Variants in GALNT18 observed in about 807,000 individuals in gnomAD.
GALNT18 encodes the protein polypeptide N-acetylgalactosaminyltransferase 18.
A neutral mutation model predicts 69.5 loss-of-function variants in GALNT18; 44 were observed. The ratio of observed to expected loss-of-function variants is 0.63; its 90% CI spans 0.50 to 0.81. The LOEUF (loss-of-function observed/expected upper bound fraction) is 0.81. GALNT18 is among the 40% of genes least tolerant of loss of function. GALNT18 has a pLI of 0.00. For synonymous variants in GALNT18, 364 were observed against 318.2 expected (o/e 1.14, Z -1.53); for missense variants, 715 against 810.0 (o/e 0.88, Z 1.42).
intron 1 of GALNT18, among the ~76,000 whole-genome samples, chr11:11,597,241 C>T (rs1859521842): frequency 6.6e-6 from 1 of 152,112 alleles, no homozygotes; most frequent in Non-Finnish European, 1.5e-5. Context: ...GAGATATGGT[C>T]TGAGGTTTTC....
rs901606737 is a variant in GALNT18, at chr11:11,290,117, C to G, written c.1677+2912G>C. On this transcript the variant is annotated intron_variant, in intron 10 of 10. Coordinates refer to ENST00000227756, the MANE Select transcript of GALNT18 (RefSeq NM_198516.3). ...CAGTAATCTGAAGCAGTACTCTTGT[C>G]GATTGAGGACTCCTGGTGATGCCTG... Among the ~76,000 whole-genome samples the G allele has an allele frequency of 2.6e-5, 4 of 152,096 alleles. No individual in the cohort carries two copies. In the South Asian group the frequency reaches 8.3e-4, roughly 32 times the overall value.
In GALNT18 at chr11:11,543,279, G is replaced by A. The variant is rs1286715401; in HGVS notation, c.235+78080C>T. Among the ~76,000 whole-genome samples, 1 of 152,164 alleles carries A rather than the reference G, an allele frequency of 6.6e-6. No homozygotes were observed. Among genetic ancestry groups the A allele is most frequent in the Non-Finnish European group, 1.5e-5 (1 of 68,026 alleles). On this transcript the variant is annotated intron_variant, in intron 1 of 10. Transcript: ENST00000227756. This position sits in a 1 kb window ranked among gnomAD's most constrained non-coding sequence, Gnocchi z 5.1. ...GATCATTGCAAGTTGTTGCATCCTT[G>A]AGAGTAAGTAGAATTTGTGGCCTAG...
intron 10 of GALNT18, among the ~76,000 whole-genome samples, chr11:11,274,845 A>T (rs1002241286): frequency 1.3e-5 from 2 of 152,140 alleles, no homozygotes; most frequent in Non-Finnish European, 2.9e-5. Flanking sequence ...TTTGCTGAGG[A>T]TGATGGTTTC....
intron 1 of GALNT18, among the ~76,000 whole-genome samples, chr11:11,593,514 C>A (rs1859412726): frequency 2.0e-5 from 3 of 152,336 alleles, no homozygotes; most frequent in African/African-American, 2.4e-5. Flanking sequence ...GCGTGAGGAA[C>A]TTTGTTCCTT....
At chr11:11,376,944 G>A (rs1589951428) in intron 5 of GALNT18, among the ~76,000 whole-genome samples, 1 of 152,126 alleles carries the variant, frequency 6.6e-6, no homozygotes, top group Non-Finnish European at 1.5e-5. Context: ...AGTGGTTGGC[G>A]CCCAGCAGAC....
At chr11:11,272,828 TGA>T (rs1388486898) in intron 10 of GALNT18, among the ~76,000 whole-genome samples, 6 of 152,104 alleles carry the variant, frequency 3.9e-5, no homozygotes, top group South Asian at 2.1e-4. Flanking sequence ...GGAAGTGCAC[TGA>T]GAGAGGGAGA....
At chr11:11,293,286 A>G (rs886452088) in intron 9 of GALNT18, 93 bp from the exon 10 acceptor site, 2 of 1,091,076 alleles carry the variant, frequency 1.8e-6, no homozygotes, top group Non-Finnish European at 2.4e-6. Context: ...GCTGGCAGAG[A>G]GGCCACAGTT....
chr11:11,479,226 C>G (rs1322961807), intron 1 of GALNT18, among the ~76,000 whole-genome samples: 1 of 147,712 alleles, frequency 6.8e-6, no homozygotes, highest in African/African-American at 2.7e-5. Context: ...ACCGATTCAA[C>G]TAGGAAAAAT....
chr11:11,474,876 A>G (rs1013497614), intron 1 of GALNT18, among the ~76,000 whole-genome samples: 1 of 152,212 alleles, frequency 6.6e-6, no homozygotes, highest in Non-Finnish European at 1.5e-5. Context: ...ATACTAGAGG[A>G]CATGAGAGAC....
intron 3 of GALNT18, among the ~76,000 whole-genome samples, chr11:11,392,437 C>A (rs550655213): frequency 1.3e-5 from 2 of 152,112 alleles, no homozygotes; most frequent in African/African-American, 4.8e-5. Flanking sequence ...CTAACCAACA[C>A]GGAGAAACCC....
intron 1 of GALNT18, among the ~76,000 whole-genome samples, chr11:11,472,643 T>A (rs1856298539): frequency 1.3e-5 from 2 of 152,214 alleles, no homozygotes; most frequent in African/African-American, 4.8e-5. Context: ...ATAAAACTAA[T>A]GATTACAATG....
At position 11,404,707 on chromosome 11, in the gene GALNT18, T is replaced by A. The variant is rs1854548598; in HGVS notation, c.596-25443A>T. On this transcript the variant is annotated intron_variant, in intron 3 of 10. Transcript: ENST00000227756. The surrounding 1 kb of genome is among the most constrained non-coding windows in gnomAD (Gnocchi z 4.5). The stretch of plus-strand genomic sequence containing the variant: ...GTCTCAACTCTCATTTCAACCTAAC[T>A]CTGACTTCATCTCAACCTTAACATC... 6.6e-6 allele frequency among the ~76,000 whole-genome samples: 1 copy of A among 152,156 alleles called. No individual in the cohort carries two copies. The highest frequency in any genetic ancestry group is 6.5e-5 in the Admixed American group (1 of 15,276).
intron 6 of GALNT18, among the ~76,000 whole-genome samples, chr11:11,365,233 G>A (rs758978085): frequency 4.6e-5 from 7 of 152,094 alleles, no homozygotes; most frequent in Non-Finnish European, 1.0e-4. Context: ...ACTTATGGGT[G>A]AGAACATGTG....
Position 11,353,808 on chromosome 11 carries a change from A to G in GALNT18, c.1093-12804T>C, listed in dbSNP as rs1006524258. Among the ~76,000 whole-genome samples, 5 of 152,062 alleles carry G rather than the reference A, an allele frequency of 3.3e-5. No homozygotes were observed. The East Asian group carries it at 9.7e-4, about 29-fold the overall frequency. On this transcript the variant is annotated intron_variant, in intron 6 of 10. Transcript: ENST00000227756. ...TCTTTCTGAAATCCAGGGTAGATAC[A>G]CTCTGTCATTCCCAGCACCATAGAG... is the stretch of plus-strand genomic sequence containing the variant.
Position 11,318,198 on chromosome 11 carries a change from C to T in GALNT18, c.1512+8888G>A, listed in dbSNP as rs1346288899. On this transcript the variant is annotated intron_variant, in intron 9 of 10. Coordinates refer to ENST00000227756, the MANE Select transcript of GALNT18 (RefSeq NM_198516.3). This position sits in a 1 kb window ranked among gnomAD's most constrained non-coding sequence, Gnocchi z 5.1. ...GTCAGGTTTCCATTTCCACTCTTCCCATTTGGAGGTGAACTGGGTTGGATT... is the reference window on the plus strand; with the variant it reads ...GTCAGGTTTCCATTTCCACTCTTCCTATTTGGAGGTGAACTGGGTTGGATT... 6.6e-6 allele frequency among the ~76,000 whole-genome samples: 1 copy of T among 152,176 alleles called. No homozygotes were observed. The highest frequency in any genetic ancestry group is 2.4e-5 in the African/African-American group (1 of 41,442).
intron 1 of GALNT18, among the ~76,000 whole-genome samples, chr11:11,557,986 G>A (rs1023955414): frequency 5.3e-5 from 8 of 152,296 alleles, no homozygotes; most frequent in Middle Eastern, 3.4e-3. Flanking sequence ...CCCCAAAGTG[G>A]AACTGTATGA....
chr11:11,370,511 T>C (rs540743481), intron 6 of GALNT18, among the ~76,000 whole-genome samples: 1 of 152,206 alleles, frequency 6.6e-6, no homozygotes, highest in Admixed American at 6.5e-5. Flanking sequence ...AGCTTGTTGG[T>C]TCTCTGTTTT....
In GALNT18 at chr11:11,520,353, G is replaced by A. The variant is rs200266312; in HGVS notation, c.236-71417C>T. On this transcript the variant is annotated intron_variant, in intron 1 of 10. Transcript: ENST00000227756. ...AAGATTCAAGCGCAAGCAGCGAGGC[G>A]CCTGGGTGTGTTCTCTGGCCTGCTG... 2.1e-4 allele frequency among the ~76,000 whole-genome samples: 32 copies of A among 152,340 alleles called. No individual in the cohort carries two copies. The South Asian group carries it at 2.7e-3, about 13-fold the overall frequency.
rs2133712403 is a variant in GALNT18 at position 11,389,826 on chromosome 11, G to A, written c.596-10562C>T. Among the ~76,000 whole-genome samples the A allele has an allele frequency of 1.3e-5, 2 of 152,270 alleles. No homozygotes were observed. Among genetic ancestry groups the A allele is most frequent in the South Asian group, 4.2e-4 (2 of 4,812 alleles). On this transcript the variant is annotated intron_variant, in intron 3 of 10. Transcript: ENST00000227756. The surrounding 1 kb of genome is among the most constrained non-coding windows in gnomAD (Gnocchi z 4.3). Reference sequence around the variant, plus strand: ...GGAATTCCAGGAGGCCCAGGTCCAGGTCCTCCTGCCCTATGTGTGAGCACT... The same window carrying A: ...GGAATTCCAGGAGGCCCAGGTCCAGATCCTCCTGCCCTATGTGTGAGCACT...
Sources: gnomAD v4.1 joint callset for allele counts (sites outside exome capture counted in the v4.1 genomes callset) on GRCh38, gnomAD v4.1.1 for gene constraint, Gnocchi (gnomAD v3.1) non-coding constraint, MANE v1.5 for transcripts, NCBI Gene and HGNC (gene_info 2026-07-23, HGNC 2026-07-21) for gene names.